ATP9A: variants seen among roughly 807,000 people sequenced by gnomAD.
The protein encoded by ATP9A is probable phospholipid-transporting ATPase IIA.
ATP9A carries 52 observed loss-of-function variants against 144.1 expected under a neutral mutation model. That is an observed-to-expected ratio of 0.36 (90% CI 0.29 to 0.45). The LOEUF is 0.45. ATP9A is among the 20% of genes least tolerant of loss of function. The probability of loss-of-function intolerance (pLI) is 1.00; values close to 1 mark genes in which losing one functional copy is unlikely to be tolerated. For missense variants in ATP9A, 947 were observed against 1,392.7 expected (o/e 0.68, Z 5.09); for synonymous variants, 582 against 557.4 (o/e 1.04, Z -0.62).
chr20:51,673,234 C>T (rs1378851208), intron 11 of ATP9A, among the ~76,000 whole-genome samples: 5 of 151,938 alleles, frequency 3.3e-5, no homozygotes, highest in Non-Finnish European at 7.4e-5. Flanking sequence ...ATTAGCCAAG[C>T]GTGGTGGCAG....
Position 51,597,840 on chromosome 20 carries a change from C to G in ATP9A, c.*3371G>C, listed in dbSNP as rs1239115180. On this transcript the variant is annotated 3_prime_UTR_variant, in exon 28 of 28. Coordinates refer to ENST00000338821, the MANE Select transcript of ATP9A (RefSeq NM_006045.3). ...GCTTACATTTTCAGCAGAGAAGAAA[C>G]TGAGGAAATGTTCATAAAGAGACAA... is the stretch of plus-strand genomic sequence containing the variant. 4 of 151,542 alleles carry G rather than the reference C, an allele frequency of 2.6e-5. No individual in the cohort carries two copies. The highest frequency in any genetic ancestry group is 5.9e-5 in the Non-Finnish European group (4 of 67,932). 9.4% of individuals were successfully genotyped at this position (151,542 alleles called of 1,614,324 possible).
Position 51,617,636 on chromosome 20 carries a change from C to G in ATP9A, c.2351-82G>C, listed in dbSNP as rs1239887058. ...TGTATGCTTGTCTTTACCGCACTCT[C>G]GTCTTTCACGGAGCGCTTGCTGAGT... On this transcript the variant is annotated intron_variant, in intron 21 of 27. Transcript: ENST00000338821. 4 of 1,493,618 alleles carry G rather than the reference C, an allele frequency of 2.7e-6. No individual in the cohort carries two copies. In the Admixed American group the frequency reaches 7.7e-5, roughly 29 times the overall value. 92.5% of individuals were successfully genotyped at this position (1,493,618 alleles called of 1,614,324 possible).
In ATP9A at chr20:51,694,118, G is replaced by C. The variant is rs771774121; in HGVS notation, c.548-16C>G. The C allele has an allele frequency of 1.2e-6, 2 of 1,610,910 alleles. No individual in the cohort carries two copies. Among genetic ancestry groups the C allele is most frequent in the Non-Finnish European group, 1.7e-6 (2 of 1,177,350 alleles). ...AAGCATGACCCTGTGGAAGGAAGTC[G>C]GGTGCCGTCACCTGCACCTCAAGCA... On this transcript the variant is annotated splice_polypyrimidine_tract_variant and intron_variant, in intron 6 of 27. Transcript: ENST00000338821.
intron 13 of ATP9A, among the ~76,000 whole-genome samples, chr20:51,660,636 C>T (rs1601088625): frequency 6.6e-6 from 1 of 152,202 alleles, no homozygotes; most frequent in Non-Finnish European, 1.5e-5. Flanking sequence ...GAAACTGCTT[C>T]TTTTAATTGT....
intron 15 of ATP9A, among the ~76,000 whole-genome samples, chr20:51,630,002 A>G (rs1239610657): frequency 2.6e-5 from 4 of 152,238 alleles, no homozygotes; most frequent in Admixed American, 2.6e-4. Flanking sequence ...TACTCTCAAC[A>G]GGGCAATGTG....
intron 18 of ATP9A, among the ~76,000 whole-genome samples, chr20:51,624,052 TGGCCAG>T (rs2077237754): frequency 6.6e-6 from 1 of 152,192 alleles, no homozygotes; most frequent in Admixed American, 6.5e-5. Flanking sequence ...GTCTTAGGAA[TGGCCAG>T]GGCCCCACTG....
intron 2 of ATP9A, among the ~76,000 whole-genome samples, chr20:51,726,966 C>T (rs2077717015): frequency 2.4e-5 from 3 of 125,482 alleles, no homozygotes; most frequent in South Asian, 5.6e-4. Flanking sequence ...GCGGAAAATG[C>T]TTATGCTATA....
chr20:51,746,265 C>T (rs928964633), intron 1 of ATP9A, among the ~76,000 whole-genome samples: 1 of 152,200 alleles, frequency 6.6e-6, no homozygotes, highest in East Asian at 1.9e-4. Context: ...ACCCCGGTGA[C>T]ATGAGTTTAC....
At chr20:51,724,516 A>T (rs1286618812) in intron 3 of ATP9A, among the ~76,000 whole-genome samples, 1 of 152,230 alleles carries the variant, frequency 6.6e-6, no homozygotes. Context: ...CATGTAAAAA[A>T]TACTAAATGT....
chr20:51,622,172 C>T lies in ATP9A; in HGVS notation c.2017G>A (p.Val673Ile). ...LETLRNAGIK[V>I]WMLTGDKLET... ...AGCTTGTCCCCTGTCAGCATCCAAA[C>T]CTGAAATCATGGCGTGACAGAGGTC... Residue 673 changes from valine (V) to isoleucine (I), a missense_variant and splice_region_variant, in exon 19 of 28, where the codon GTT becomes ATT. Val to Ile is a conservative substitution (Grantham distance 29, BLOSUM62 3). Around this residue, in one of 2 missense-constraint regions of ATP9A, gnomAD observed 770 missense variants for 1,047.9 expected, o/e 0.73. Transcript: ENST00000338821. The T allele has an allele frequency of 6.2e-7, 1 of 1,613,754 alleles. No homozygotes were observed. Among genetic ancestry groups the T allele is most frequent in the South Asian group, 1.1e-5 (1 of 91,060 alleles).
In ATP9A at chr20:51,627,607, T is replaced by C; in HGVS notation, c.1838A>G (p.Asp613Gly). 6.2e-7 allele frequency: 1 copy of C among 1,614,092 alleles called. No individual in the cohort carries two copies. The highest frequency in any genetic ancestry group is 8.5e-7 in the Non-Finnish European group (1 of 1,179,968). ...KKSLAEEQYQ[D>G]FEARYVQAKL... Reference sequence around the variant, plus strand: ...GGTCCCAGAACAACTTACTTCAAAGTCCTGATACTGCTCCTCTGCAAGAGA... The same window carrying C: ...GGTCCCAGAACAACTTACTTCAAAGCCCTGATACTGCTCCTCTGCAAGAGA... The change falls in exon 17 of 28, where the codon GAC becomes GGC. Residue 613 changes from aspartate to glycine, a missense_variant. Physicochemically the swap from Asp to Gly is moderately conservative, Grantham distance 94. Around this residue, in one of 2 missense-constraint regions of ATP9A, gnomAD observed 770 missense variants for 1,047.9 expected, o/e 0.73. Coordinates refer to ENST00000338821, the MANE Select transcript of ATP9A (RefSeq NM_006045.3).
intron 24 of ATP9A, among the ~76,000 whole-genome samples, chr20:51,609,172 G>A (rs1215459674): frequency 5.3e-5 from 8 of 152,068 alleles, no homozygotes; most frequent in Non-Finnish European, 1.2e-4. Flanking sequence ...AGGAAATGAG[G>A]ACCCACGGGA....
intron 14 of ATP9A, among the ~76,000 whole-genome samples, chr20:51,642,711 G>A (rs543664364): frequency 1.0e-5 from 1 of 99,896 alleles, no homozygotes; most frequent in African/African-American, 3.8e-5. Context: ...GGGTGACTGA[G>A]TGAGACTCTG....
At chr20:51,704,745 A>T (rs540533177) in intron 4 of ATP9A, among the ~76,000 whole-genome samples, 2 of 152,340 alleles carry the variant, frequency 1.3e-5, no homozygotes, top group South Asian at 4.1e-4. Flanking sequence ...GCGCCATCGC[A>T]CTCTAGCCTG....
chr20:51,651,049 G>T (rs1175753646), intron 14 of ATP9A, among the ~76,000 whole-genome samples: 1 of 149,252 alleles, frequency 6.7e-6, no homozygotes, highest in Non-Finnish European at 1.5e-5. Flanking sequence ...TGCAATCTCG[G>T]AAAGCCATAT....
Position 51,657,334 on chromosome 20 carries a change from G to A in ATP9A, c.1294-184C>T, listed in dbSNP as rs538058703. Among the ~76,000 whole-genome samples, 60 of 150,972 alleles carry A rather than the reference G, an allele frequency of 4.0e-4. 1 individual carries two copies. The South Asian group carries it at 7.9e-3, about 20-fold the overall frequency. Reference sequence around the variant, plus strand: ...TTTTCAGGGTTTGTCATTTATGCTCGGCAAAAAAAAAAGAAAAAGAGACAG... The same window carrying A: ...TTTTCAGGGTTTGTCATTTATGCTCAGCAAAAAAAAAAGAAAAAGAGACAG... On this transcript the variant is annotated intron_variant, in intron 13 of 27. Coordinates refer to ENST00000338821, the MANE Select transcript of ATP9A (RefSeq NM_006045.3).
chr20:51,616,393 A>G lies in ATP9A; in HGVS notation c.2415+1097T>C, dbSNP rs2077203027. On this transcript the variant is annotated intron_variant, in intron 22 of 27. Coordinates refer to ENST00000338821, the MANE Select transcript of ATP9A (RefSeq NM_006045.3). ...GAGTACAGTGGCTCAATCTCGATTC[A>G]CTGCAACCTCCACCTCCTGGGTTCA... is the stretch of plus-strand genomic sequence containing the variant. Among the ~76,000 whole-genome samples the G allele has an allele frequency of 2.0e-5, 3 of 152,180 alleles. No homozygotes were observed. The South Asian group carries it at 6.2e-4, about 32-fold the overall frequency.
intron 1 of ATP9A, among the ~76,000 whole-genome samples, chr20:51,738,641 C>T (rs1233928176): frequency 1.3e-5 from 2 of 151,864 alleles, no homozygotes; most frequent in East Asian, 1.9e-4. Context: ...ACCTGGGAGG[C>T]GGAGGTTGCA....
chr20:51,625,129 G>A (rs528758586), intron 18 of ATP9A, 63 bp downstream of exon 18: 9 of 1,509,344 alleles, frequency 6.0e-6, no homozygotes, highest in Non-Finnish European at 8.1e-6. Flanking sequence ...TGATCTCCCT[G>A]CACTGCTGAG....
Sources: gnomAD v4.1 joint callset for allele counts (sites outside exome capture counted in the v4.1 genomes callset) on GRCh38, gnomAD v4.1.1 for gene constraint, gnomAD v4.1.1 regional missense constraint, MANE v1.5 for transcripts, NCBI Gene and HGNC (gene_info 2026-07-23, HGNC 2026-07-21) for gene names.